COTL1: variants seen among roughly 807,000 people sequenced by gnomAD.
The protein encoded by COTL1 is coactosin like F-actin binding protein 1.
In COTL1, 15 loss-of-function variants were observed where a neutral mutation model predicts 16.5. The ratio of observed to expected loss-of-function variants is 0.91; its 90% CI spans 0.61 to 1.40. The LOEUF (loss-of-function observed/expected upper bound fraction) is 1.40. COTL1 is among the 40% of genes most tolerant of loss of function. The pLI, the probability that COTL1 is intolerant of heterozygous loss-of-function variation, is 0.00. For missense variants in COTL1, 220 were observed against 201.5 expected (o/e 1.09, Z -0.56); for synonymous variants, 112 against 85.3 (o/e 1.31, Z -1.73).
At chr16:84,572,377 G>A (rs1252151405) in intron 3 of COTL1, among the ~76,000 whole-genome samples, 2 of 152,218 alleles carry the variant, frequency 1.3e-5, no homozygotes, top group Non-Finnish European at 2.9e-5. Context: ...CACGGGGGCA[G>A]GGGCAGGTGG....
At chr16:84,569,474 G>C (rs1006770497) in intron 3 of COTL1, among the ~76,000 whole-genome samples, 2 of 152,156 alleles carry the variant, frequency 1.3e-5, no homozygotes, top group Admixed American at 1.3e-4. Flanking sequence ...CAATGCATTT[G>C]GCGCGCAAAG....
At chr16:84,597,353 A>C (rs1905026144) in intron 2 of COTL1, among the ~76,000 whole-genome samples, 2 of 152,306 alleles carry the variant, frequency 1.3e-5, no homozygotes, top group South Asian at 4.1e-4. Context: ...TTCACAGATG[A>C]AGAAACTGAG....
intron 3 of COTL1, among the ~76,000 whole-genome samples, chr16:84,578,972 C>G (rs1904516818): frequency 6.6e-6 from 1 of 152,072 alleles, no homozygotes; most frequent in Non-Finnish European, 1.5e-5. Flanking sequence ...CACACACATG[C>G]ACATCCAAGC....
Position 84,591,136 on chromosome 16 carries a change from C to A in COTL1, c.161-874G>T, listed in dbSNP as rs192993833. The stretch of plus-strand genomic sequence containing the variant: ...TCACAATCCACTATGCTAAGTTCCC[C>A]CACCCTCCACTGCTCTGTATTATCA... On this transcript the variant is annotated intron_variant, in intron 2 of 3. Coordinates refer to ENST00000262428, the MANE Select transcript of COTL1 (RefSeq NM_021149.5). Among the ~76,000 whole-genome samples the A allele has an allele frequency of 3.0e-3, 449 of 152,084 alleles. 1 individual carries two copies. Among genetic ancestry groups the A allele is most frequent in the African/African-American group, 0.01 (424 of 41,474 alleles).
chr16:84,568,073 C>G (rs796631189), intron 3 of COTL1: 8 of 152,362 alleles, frequency 5.3e-5, no homozygotes, highest in African/African-American at 1.9e-4. Context: ...TCTTGGCTCA[C>G]AGCAACCTCT....
At chr16:84,615,602 G>C (rs1044675428) in intron 2 of COTL1, among the ~76,000 whole-genome samples, 17 of 152,176 alleles carry the variant, frequency 1.1e-4, no homozygotes, top group African/African-American at 4.1e-4. Context: ...TAGCCTCAGA[G>C]CCGGCAAAGC....
intron 3 of COTL1, among the ~76,000 whole-genome samples, chr16:84,577,497 G>C (rs1010282502): frequency 1.3e-5 from 2 of 152,192 alleles, no homozygotes; most frequent in African/African-American, 4.8e-5. Context: ...CACCTGCCTC[G>C]GTCTCCCAAA....
chr16:84,617,497 C>T lies in COTL1; in HGVS notation c.160+4G>A. 1 of 1,551,598 alleles carries T rather than the reference C, an allele frequency of 6.4e-7. No homozygotes were observed. The highest frequency in any genetic ancestry group is 2.4e-5 in the East Asian group (1 of 41,080). On this transcript the variant is annotated splice_donor_region_variant and intron_variant, in intron 2 of 3. Coordinates refer to ENST00000262428, the MANE Select transcript of COTL1 (RefSeq NM_021149.5). ...GCATCCGCCCGGCAGGCGCGCCTCC[C>T]TACCTGTGCACTGCTGGATGAAGTG...
rs1270332779 is a variant in COTL1, at chr16:84,566,058, T to C, written c.*787A>G. ...AGTGAACCCTGAAATACTCCCTCCG[T>C]CAACTCTGGGCTCAGACCTTTGCCC... On this transcript the variant is annotated 3_prime_UTR_variant, in exon 4 of 4. Transcript: ENST00000262428. The C allele has an allele frequency of 6.5e-6, 1 of 152,676 alleles. No individual in the cohort carries two copies. The highest frequency in any genetic ancestry group is 1.5e-5 in the Non-Finnish European group (1 of 68,072). 9.5% of individuals were successfully genotyped at this position (152,676 alleles called of 1,614,324 possible).
At chr16:84,610,446 G>A (rs1486589889) in intron 2 of COTL1, among the ~76,000 whole-genome samples, 4 of 152,168 alleles carry the variant, frequency 2.6e-5, no homozygotes, top group African/African-American at 7.2e-5. Flanking sequence ...ATAAATGGTA[G>A]ACATGCCCTG....
intron 3 of COTL1, among the ~76,000 whole-genome samples, chr16:84,586,999 C>T (rs1904749105): frequency 6.6e-6 from 1 of 152,188 alleles, no homozygotes; most frequent in South Asian, 2.1e-4. Context: ...GCTCCCTTTC[C>T]TCCCGGCGAC....
At chr16:84,580,743 C>G (rs1203211014) in intron 3 of COTL1, among the ~76,000 whole-genome samples, 1 of 152,214 alleles carries the variant, frequency 6.6e-6, no homozygotes, top group Non-Finnish European at 1.5e-5. Flanking sequence ...CAGCCCCCGG[C>G]TCATGGATGA....
chr16:84,605,020 G>C (rs1446938729), intron 2 of COTL1, among the ~76,000 whole-genome samples: 1 of 152,222 alleles, frequency 6.6e-6, no homozygotes, highest in African/African-American at 2.4e-5. Flanking sequence ...GGAACACTCG[G>C]GTTCAGGAAT....
chr16:84,599,208 G>T (rs1418867448), intron 2 of COTL1, among the ~76,000 whole-genome samples: 1 of 152,072 alleles, frequency 6.6e-6, no homozygotes, highest in Non-Finnish European at 1.5e-5. Flanking sequence ...TTGACTGGGG[G>T]CCTCTGCCTT....
intron 2 of COTL1, among the ~76,000 whole-genome samples, chr16:84,598,329 C>T (rs1481832631): frequency 1.3e-5 from 2 of 152,168 alleles, no homozygotes; most frequent in African/African-American, 2.4e-5. Context: ...GCAAAGGACC[C>T]GTGGGGACCT....
At chr16:84,571,289 G>A (rs1486106826) in intron 3 of COTL1, among the ~76,000 whole-genome samples, 4 of 152,192 alleles carry the variant, frequency 2.6e-5, no homozygotes, top group Admixed American at 2.6e-4. Flanking sequence ...GCCGAGCAGA[G>A]AGAAGGGATG....
chr16:84,614,190 G>A (rs980355973), intron 2 of COTL1, among the ~76,000 whole-genome samples: 12 of 152,196 alleles, frequency 7.9e-5, no homozygotes, highest in Admixed American at 3.9e-4. Flanking sequence ...CACCGCCCTC[G>A]CAAGGTCTCT....
At chr16:84,600,595 G>A (rs989069125) in intron 2 of COTL1, among the ~76,000 whole-genome samples, 11 of 152,192 alleles carry the variant, frequency 7.2e-5, no homozygotes, top group Non-Finnish European at 1.3e-4. Context: ...TTACAGGCGC[G>A]AGCCACTGCG....
chr16:84,588,287 G>A (rs1449644416), intron 3 of COTL1, among the ~76,000 whole-genome samples: 9 of 151,896 alleles, frequency 5.9e-5, no homozygotes, highest in Admixed American at 5.9e-4. Flanking sequence ...AGTTGCAAGA[G>A]GTAGCACCGA....
Sources: allele counts gnomAD v4.1 joint callset (sites outside exome capture counted in the v4.1 genomes callset), GRCh38; gene constraint gnomAD v4.1.1; transcripts MANE v1.5; gene names NCBI Gene and HGNC (gene_info 2026-07-23, HGNC 2026-07-21).